The following ZNF12 variants were observed in gnomAD, a reference collection of about 807,000 sequenced individuals.
The protein encoded by ZNF12 is gonadotropin inducible transcription repressor 3.
Under a neutral mutation model 66.6 loss-of-function variants are expected in ZNF12, and 34 were observed. The ratio of observed to expected loss-of-function variants is 0.51; its 90% confidence interval spans 0.39 to 0.68. The LOEUF (loss-of-function observed/expected upper bound fraction) is 0.68, where lower values mean the gene tolerates loss of function less well. ZNF12 is among the 30% of genes least tolerant of loss of function. ZNF12 has a pLI of 0.00. For missense variants in ZNF12, 697 were observed against 826.9 expected (o/e 0.84, Z 1.93); for synonymous variants, 320 against 278.9 (o/e 1.15, Z -1.47).
At position 6,705,179 on chromosome 7, in the gene ZNF12, G is replaced by C; in HGVS notation, c.-6C>G. 6.2e-7 allele frequency: 1 copy of C among 1,613,618 alleles called. No homozygotes were observed. The highest frequency in any genetic ancestry group is 1.1e-5 in the South Asian group (1 of 91,056). ...CTCACCAGGGATTTATTCATTTTCT[G>C]CTGCTCTTGGAAAAATCTGGAGGAC... is the stretch of plus-strand genomic sequence containing the variant. On this transcript the variant is annotated 5_prime_UTR_variant, in exon 2 of 5. Transcript: ENST00000405858. This position sits in a 1 kb window ranked among gnomAD's most constrained non-coding sequence, Gnocchi z 4.0.
Position 6,705,634 on chromosome 7 carries a change from G to A in ZNF12, c.-50-411C>T, listed in dbSNP as rs1045007189. On this transcript the variant is annotated intron_variant, in intron 1 of 4. Coordinates refer to ENST00000405858, the MANE Select transcript of ZNF12 (RefSeq NM_016265.4). The surrounding 1 kb of genome is among the most constrained non-coding windows in gnomAD (Gnocchi z 4.0). ...CTCGGGAGGCTGAGGCAGGAGAATCGCTTGAACCCGGGAGGCGGAGGTTGC... is the reference window on the plus strand; with the variant it reads ...CTCGGGAGGCTGAGGCAGGAGAATCACTTGAACCCGGGAGGCGGAGGTTGC... Among the ~76,000 whole-genome samples the A allele has an allele frequency of 2.0e-5, 3 of 151,904 alleles. No individual in the cohort carries two copies. The highest frequency in any genetic ancestry group is 7.3e-5 in the African/African-American group (3 of 41,326).
rs1387916528 is a variant in ZNF12 at position 6,691,162 on chromosome 7, G to A, written c.1780C>T (p.Arg594Ter). 10 of 1,610,946 alleles carry A rather than the reference G, an allele frequency of 6.2e-6. No homozygotes were observed. Among genetic ancestry groups the A allele is most frequent in the Non-Finnish European group, 7.6e-6 (9 of 1,179,104 alleles). Residue 594 changes from arginine (R) to a stop codon, truncating the protein, a stop_gained, in exon 5 of 5, where the codon CGA (arginine) becomes TGA (stop). Transcript: ENST00000405858. LOFTEE classifies it high-confidence loss of function. ...TCTCCTGTGTGTGTTCTCTGATGTC[G>A]ATTAAGGGCTGAATTCTGGCAGAAG... ...KTFCQNSALN[R>*]HQRTHTGEKA...
chr7:6,706,370 C>A (rs1780357193), intron 1 of ZNF12, 62 bp downstream of exon 1: 1 of 456,124 alleles, frequency 2.2e-6, no homozygotes, highest in Non-Finnish European at 4.4e-6. Flanking sequence ...CTCTAAGGTG[C>A]CCTACACGCG....
rs185619561 is a variant in ZNF12, at chr7:6,701,641, C to T, written c.15+3518G>A. On this transcript the variant is annotated intron_variant, in intron 2 of 4. Coordinates refer to ENST00000405858, the MANE Select transcript of ZNF12 (RefSeq NM_016265.4). ...CAGCTGCTCTCTCCCAAAACCCGGC[C>T]GTCACCCCTCACTCTTGGCTGACGA... 7.7e-4 allele frequency among the ~76,000 whole-genome samples: 117 copies of T among 152,108 alleles called. 1 individual carries two copies. The highest frequency in any genetic ancestry group is 2.6e-3 in the African/African-American group (109 of 41,520).
intron 2 of ZNF12, among the ~76,000 whole-genome samples, chr7:6,703,063 CA>C (rs1460873867): frequency 1.4e-4 from 21 of 152,036 alleles, no homozygotes; most frequent in African/African-American, 4.1e-4. Context: ...CACACACACA[CA>C]CCCCTACCTG....
intron 2 of ZNF12, among the ~76,000 whole-genome samples, chr7:6,702,303 A>ACACAC (rs1780257958): frequency 3.3e-5 from 4 of 122,920 alleles, no homozygotes; most frequent in Admixed American, 8.1e-5. Context: ...AAACTCCACA[A>ACACAC]ACACACACAC....
chr7:6,697,494 C>G lies in ZNF12; in HGVS notation c.143-60G>C. Reference sequence around the variant, plus strand: ...GGCCGGTTGGCTTCAGGGTCTCTGTCATACAGGGAAAATTCCATTTGTGTC... The same window carrying G: ...GGCCGGTTGGCTTCAGGGTCTCTGTGATACAGGGAAAATTCCATTTGTGTC... On this transcript the variant is annotated intron_variant, in intron 3 of 4. Transcript: ENST00000405858. The surrounding 1 kb of genome is among the most constrained non-coding windows in gnomAD (Gnocchi z 6.1). The G allele has an allele frequency of 1.3e-6, 2 of 1,550,286 alleles. No individual in the cohort carries two copies. The highest frequency in any genetic ancestry group is 1.8e-6 in the Non-Finnish European group (2 of 1,135,226).
Position 6,692,165 on chromosome 7 carries a change from A to G in ZNF12, c.777T>C (p.His259=), listed in dbSNP as rs749030774. 1.9e-5 allele frequency: 30 copies of G among 1,614,068 alleles called. No individual in the cohort carries two copies. Among genetic ancestry groups the G allele is most frequent in the Non-Finnish European group, 2.0e-5 (24 of 1,180,032 alleles). The change falls in exon 5 of 5, where the codon CAT becomes CAC. Residue 259 remains histidine, a synonymous_variant. Coordinates refer to ENST00000405858, the MANE Select transcript of ZNF12 (RefSeq NM_016265.4). The surrounding 1 kb of genome is among the most constrained non-coding windows in gnomAD (Gnocchi z 5.1). ...GCTTCATTTCCATATGAGATGTCTG[A>G]TGTACAGTGAGGTCCGACATCTGGA... ...AFLQMSDLTV[H]QTSHMEMKPY...
Position 6,691,095 on chromosome 7 carries a change from TGAGAG to T in ZNF12, c.1842_1846del (p.Phe614LeufsTer19). 1 of 1,614,146 alleles carries T rather than the reference TGAGAG, an allele frequency of 6.2e-7. No homozygotes were observed. Among genetic ancestry groups the T allele is most frequent in the Non-Finnish European group, 8.5e-7 (1 of 1,179,998 alleles). ...ATGATGTATAGTGAGATAGGACATC[TGAGAG>T]AAGCACTTCCCACATTCATAACATT... On this transcript the variant is annotated frameshift_variant, in exon 5 of 5. Coordinates refer to ENST00000405858, the MANE Select transcript of ZNF12 (RefSeq NM_016265.4). LOFTEE classifies it high-confidence loss of function.
Position 6,697,447 on chromosome 7 carries a change from A to C in ZNF12, c.143-13T>G, listed in dbSNP as rs1456509835. The C allele has an allele frequency of 6.2e-7, 1 of 1,606,776 alleles. No homozygotes were observed. Among genetic ancestry groups the C allele is most frequent in the Non-Finnish European group, 8.5e-7 (1 of 1,176,126 alleles). On this transcript the variant is annotated splice_polypyrimidine_tract_variant and intron_variant, in intron 3 of 4. Transcript: ENST00000405858. The surrounding 1 kb of genome is among the most constrained non-coding windows in gnomAD (Gnocchi z 6.1). ...ATAATGTGATACCCTGTTAATGAGAAATGAAAGAGAACTTGAGCCCAGGCC... is the reference window on the plus strand; with the variant it reads ...ATAATGTGATACCCTGTTAATGAGACATGAAAGAGAACTTGAGCCCAGGCC...
rs1190343862 is a variant in ZNF12, at chr7:6,697,755, C to T, written c.72G>A (p.Gln24=). Residue 24 remains glutamine (Q), a synonymous_variant, in exon 3 of 5, where the codon CAG becomes CAA. Transcript: ENST00000405858. The surrounding 1 kb of genome is among the most constrained non-coding windows in gnomAD (Gnocchi z 6.1). ...AVDFTQEEWQ[Q]LDPEQKITYR... is the part of the protein sequence containing the mutation. ...AAGTTATCTTCTGCTCAGGATCCAG[C>T]TGCTGCCATTCCTCCTGGGTGAAGT... 6.2e-7 allele frequency: 1 copy of T among 1,614,084 alleles called. No individual in the cohort carries two copies. The highest frequency in any genetic ancestry group is 1.3e-5 in the African/African-American group (1 of 74,930).
chr7:6,702,225 C>G (rs1780255926), intron 2 of ZNF12, among the ~76,000 whole-genome samples: 2 of 151,884 alleles, frequency 1.3e-5, no homozygotes, highest in African/African-American at 4.8e-5. Context: ...CTAGCCTGAC[C>G]AGTAGCACCT....
intron 4 of ZNF12, among the ~76,000 whole-genome samples, chr7:6,693,341 A>T (rs1780103374): frequency 6.6e-6 from 1 of 152,244 alleles, no homozygotes; most frequent in African/African-American, 2.4e-5. Context: ...TAACCAGGGC[A>T]TTCGCCCTGT....
chr7:6,693,837 C>A (rs1256857935), intron 4 of ZNF12, among the ~76,000 whole-genome samples: 1 of 152,196 alleles, frequency 6.6e-6, no homozygotes, highest in Non-Finnish European at 1.5e-5. Flanking sequence ...TGAGTGCTTT[C>A]CCACTCCTGA....
intron 2 of ZNF12, among the ~76,000 whole-genome samples, chr7:6,701,933 CT>C (rs1279681281): frequency 1.4e-5 from 2 of 143,518 alleles, no homozygotes; most frequent in Non-Finnish European, 3.0e-5. Context: ...TCTCTTTTTC[CT>C]TTAGGGCAAA....
intron 2 of ZNF12, chr7:6,700,969 T>C (rs1434617046): frequency 6.6e-6 from 1 of 152,082 alleles, no homozygotes; most frequent in East Asian, 1.9e-4. Flanking sequence ...CGTTTGTTCG[T>C]TTGTTCATTC....
In ZNF12 at chr7:6,697,846, G is replaced by GA. The variant is rs770714446; in HGVS notation, c.16-36dup. ...CACCGTGATTGGAATTGGGTGACGT[G>GA]AAATAGGCACATAGGTACAAGATCT... On this transcript the variant is annotated intron_variant, in intron 2 of 4. Transcript: ENST00000405858. This position sits in a 1 kb window ranked among gnomAD's most constrained non-coding sequence, Gnocchi z 6.1. 5 of 1,613,616 alleles carry GA rather than the reference G, an allele frequency of 3.1e-6. No homozygotes were observed. The highest frequency in any genetic ancestry group is 4.2e-6 in the Non-Finnish European group (5 of 1,179,792).
In ZNF12 at chr7:6,692,424, T is replaced by A. The variant is rs555409490; in HGVS notation, c.518A>T (p.Lys173Ile). 6.2e-7 allele frequency: 1 copy of A among 1,613,338 alleles called. No homozygotes were observed. The highest frequency in any genetic ancestry group is 1.1e-5 in the South Asian group (1 of 90,836). The change falls in exon 5 of 5, where the codon AAA becomes ATA. Residue 173 changes from lysine (K) to isoleucine (I), a missense_variant. This residue lies in a region of ZNF12 where 241 missense variants were observed against 224.0 expected (regional missense o/e 1.08). Transcript: ENST00000405858. The surrounding 1 kb of genome is among the most constrained non-coding windows in gnomAD (Gnocchi z 5.1). The stretch of plus-strand genomic sequence containing the variant: ...CTCAAGCTTAATATGGAGGAGTGAT[T>A]TCCCACATCCACTACATTCATCAGC... ...MKADECSGCG[K>I]SLLHIKLEKT...
At position 6,696,596 on chromosome 7, in the gene ZNF12, C is replaced by A. The variant is rs181089611; in HGVS notation, c.238+743G>T. ...GCGAGGAAATCACAGTAGGTAGAAA[C>A]AGACCCTTTAAAGACATTTCTGGAG... On this transcript the variant is annotated intron_variant, in intron 4 of 4. Coordinates refer to ENST00000405858, the MANE Select transcript of ZNF12 (RefSeq NM_016265.4). The surrounding 1 kb of genome is among the most constrained non-coding windows in gnomAD (Gnocchi z 4.0). 6.6e-6 allele frequency among the ~76,000 whole-genome samples: 1 copy of A among 152,180 alleles called. No homozygotes were observed. The highest frequency in any genetic ancestry group is 2.4e-5 in the African/African-American group (1 of 41,444).
Sources: allele counts gnomAD v4.1 joint callset (sites outside exome capture counted in the v4.1 genomes callset), GRCh38; gene constraint gnomAD v4.1.1; regional missense constraint gnomAD v4.1.1; non-coding constraint Gnocchi (gnomAD v3.1); transcripts MANE v1.5; gene names NCBI Gene and HGNC (gene_info 2026-07-23, HGNC 2026-07-21).